The following ADAMTS12 variants were observed in gnomAD, a reference collection of about 807,000 sequenced individuals.
ADAMTS12 encodes A disintegrin and metalloproteinase with thrombospondin motifs 12.
A neutral mutation model predicts 167.8 loss-of-function variants in ADAMTS12; 118 were observed. That is an observed-to-expected ratio of 0.70 (90% CI 0.61 to 0.82). The LOEUF is 0.82. Ranked by LOEUF, ADAMTS12 falls within the 40% of genes least tolerant of loss-of-function variation. ADAMTS12 has a pLI of 0.00. For synonymous variants in ADAMTS12, 704 were observed against 716.9 expected (o/e 0.98, Z 0.29); for missense variants, 1,916 against 1,998.8 (o/e 0.96, Z 0.79).
At chr5:33,794,313 G>C (rs142465397) in intron 2 of ADAMTS12, among the ~76,000 whole-genome samples, 1 of 152,360 alleles carries the variant, frequency 6.6e-6, no homozygotes, top group Non-Finnish European at 1.5e-5. Context: ...GCTTCCTTCA[G>C]AGGGTCTGTG....
At chr5:33,792,175 T>C (rs988136526) in intron 2 of ADAMTS12, among the ~76,000 whole-genome samples, 9 of 152,014 alleles carry the variant, frequency 5.9e-5, no homozygotes, top group Non-Finnish European at 1.3e-4. Flanking sequence ...TTTGTTTGTT[T>C]AGTAGAGATG....
At chr5:33,802,231 T>C (rs1277056608) in intron 2 of ADAMTS12, among the ~76,000 whole-genome samples, 2 of 152,214 alleles carry the variant, frequency 1.3e-5, no homozygotes, top group African/African-American at 2.4e-5. Flanking sequence ...TATTTTGTTA[T>C]AGCAGCCCAA....
chr5:33,577,372 T>C (rs1242250967), intron 18 of ADAMTS12, among the ~76,000 whole-genome samples: 1 of 152,240 alleles, frequency 6.6e-6, no homozygotes, highest in Non-Finnish European at 1.5e-5. Context: ...CCATTTATTC[T>C]TCACAAACTG....
intron 5 of ADAMTS12, among the ~76,000 whole-genome samples, chr5:33,681,127 A>G (rs1029127328): frequency 2.0e-5 from 3 of 152,192 alleles, no homozygotes; most frequent in African/African-American, 7.2e-5. Flanking sequence ...TATTTTCTTA[A>G]TAAAAAGACC....
At chr5:33,840,299 T>A (rs1343913931) in intron 2 of ADAMTS12, 1 of 152,256 alleles carries the variant, frequency 6.6e-6, no homozygotes, top group African/African-American at 2.4e-5. Flanking sequence ...TCTCACTGTA[T>A]GTATTCAAAT....
In ADAMTS12 at chr5:33,648,863, G is replaced by T. The variant is rs1253048572; in HGVS notation, c.1438C>A (p.Leu480Ile). Reference sequence around the variant, plus strand: ...AAGGTAGCATTGGGTCCATATTGTAGCTGGCACTGGTGGTGAACATCATAG... The same window carrying T: ...AAGGTAGCATTGGGTCCATATTGTATCTGGCACTGGTGGTGAACATCATAG... ...VIYDVHHQCQ[L>I]QYGPNATFCQ... Residue 480 changes from leucine (L) to isoleucine (I), a missense_variant, in exon 9 of 24, where the codon CTA becomes ATA. Physicochemically the swap from Leu to Ile is conservative, Grantham distance 5. Coordinates refer to ENST00000504830, the MANE Select transcript of ADAMTS12 (RefSeq NM_030955.4). The T allele has an allele frequency of 1.2e-6, 2 of 1,613,908 alleles. No individual in the cohort carries two copies. Among genetic ancestry groups the T allele is most frequent in the Admixed American group, 1.7e-5 (1 of 59,990 alleles).
intron 2 of ADAMTS12, among the ~76,000 whole-genome samples, chr5:33,796,000 T>C (rs1402852413): frequency 6.6e-6 from 1 of 152,232 alleles, no homozygotes; most frequent in East Asian, 1.9e-4. Flanking sequence ...CTGCTGTCCA[T>C]ACAAGAGAAA....
At chr5:33,846,077 T>C (rs748858794) in intron 2 of ADAMTS12, among the ~76,000 whole-genome samples, 3 of 152,050 alleles carry the variant, frequency 2.0e-5, no homozygotes, top group Non-Finnish European at 4.4e-5. Flanking sequence ...GGGACAAATA[T>C]CCAAACTGTA....
At chr5:33,884,626 T>C (rs973457298) in intron 1 of ADAMTS12, among the ~76,000 whole-genome samples, 1 of 152,112 alleles carries the variant, frequency 6.6e-6, no homozygotes, top group Admixed American at 6.5e-5. Flanking sequence ...CTCTCTGAAA[T>C]CTCTCCACTG....
intron 2 of ADAMTS12, among the ~76,000 whole-genome samples, chr5:33,816,542 C>T (rs1423266264): frequency 2.0e-5 from 3 of 152,148 alleles, no homozygotes; most frequent in Non-Finnish European, 4.4e-5. Flanking sequence ...CTCTCTGCTT[C>T]TATGAGGATT....
At chr5:33,589,165 ATT>A (rs761248389) in intron 17 of ADAMTS12, among the ~76,000 whole-genome samples, 57 of 152,220 alleles carry the variant, frequency 3.7e-4, no homozygotes, top group Admixed American at 2.5e-3. Context: ...GTGAAAATAT[ATT>A]TTCTTTATAT....
intron 18 of ADAMTS12, among the ~76,000 whole-genome samples, chr5:33,583,094 A>AT (rs60789233): frequency 2.9e-4 from 44 of 151,364 alleles, no homozygotes; most frequent in Middle Eastern, 3.4e-3. Flanking sequence ...CATTCTTTCT[A>AT]TTTTTTTTTT....
chr5:33,667,464 G>T (rs1411079049), intron 5 of ADAMTS12, among the ~76,000 whole-genome samples: 1 of 151,900 alleles, frequency 6.6e-6, no homozygotes, highest in Non-Finnish European at 1.5e-5. Context: ...TGGCATATTT[G>T]CATTTTCCAT....
intron 9 of ADAMTS12, among the ~76,000 whole-genome samples, chr5:33,646,984 T>C (rs1403534737): frequency 1.3e-5 from 2 of 151,978 alleles, no homozygotes; most frequent in African/African-American, 2.4e-5. Flanking sequence ...ATATGCATAA[T>C]TGGACAAATC....
chr5:33,890,062 T>G (rs1356674647), intron 1 of ADAMTS12, among the ~76,000 whole-genome samples: 1 of 152,146 alleles, frequency 6.6e-6, no homozygotes, highest in African/African-American at 2.4e-5. Context: ...AGCACATAGC[T>G]CTAGATAGAG....
intron 19 of ADAMTS12, among the ~76,000 whole-genome samples, chr5:33,571,007 A>G (rs1746308151): frequency 6.6e-6 from 1 of 151,910 alleles, no homozygotes; most frequent in East Asian, 1.9e-4. Flanking sequence ...GAAGGCCATT[A>G]CATAATGGTA....
intron 3 of ADAMTS12, among the ~76,000 whole-genome samples, chr5:33,701,825 A>G (rs769294066): frequency 3.5e-4 from 53 of 152,170 alleles, no homozygotes; most frequent in Non-Finnish European, 7.2e-4. Flanking sequence ...TACAAAGCCC[A>G]TATAACCTTC....
intron 3 of ADAMTS12, among the ~76,000 whole-genome samples, chr5:33,723,045 C>A (rs547368749): frequency 1.4e-4 from 22 of 152,170 alleles, no homozygotes; most frequent in Non-Finnish European, 2.9e-4. Context: ...CAAGGCAGGA[C>A]AGTGCTGTGG....
intron 2 of ADAMTS12, among the ~76,000 whole-genome samples, chr5:33,804,677 A>G (rs913705633): frequency 6.6e-6 from 1 of 152,236 alleles, no homozygotes; most frequent in Non-Finnish European, 1.5e-5. Flanking sequence ...TTGCAATGCA[A>G]TTCACAAGTG....
Sources: gnomAD v4.1 joint callset for allele counts (sites outside exome capture counted in the v4.1 genomes callset) on GRCh38, gnomAD v4.1.1 for gene constraint, MANE v1.5 for transcripts, NCBI Gene and HGNC (gene_info 2026-07-23, HGNC 2026-07-21) for gene names.